Variants in APPL1 observed in about 807,000 individuals in gnomAD.
APPL1 encodes DCC-interacting protein 13-alpha.
In APPL1, 42 loss-of-function variants were observed where a neutral mutation model predicts 106.8. The ratio of observed to expected loss-of-function variants is 0.39; its 90% CI spans 0.31 to 0.51. APPL1 has a LOEUF of 0.51. Ranked by LOEUF, APPL1 falls within the 20% of genes least tolerant of loss-of-function variation. The pLI, the probability that APPL1 is intolerant of heterozygous loss-of-function variation, is 0.75. For missense variants in APPL1, 769 were observed against 858.2 expected, an observed-to-expected ratio of 0.90 and a Z score of 1.30; for synonymous variants, 263 against 281.8, an observed-to-expected ratio of 0.93 and a Z score of 0.67.
At chr3:57,236,591 G>T (rs1315577870) in intron 2 of APPL1, among the ~76,000 whole-genome samples, 2 of 152,230 alleles carry the variant, frequency 1.3e-5, no homozygotes, top group African/African-American at 4.8e-5. Flanking sequence ...GCCTCCCAAA[G>T]TGCTGGGATT....
intron 10 of APPL1, 117 bp downstream of exon 10, chr3:57,248,468 T>C (rs1649104233): frequency 8.6e-7 from 1 of 1,161,758 alleles, no homozygotes; most frequent in African/African-American, 1.6e-5. Flanking sequence ...TGAAACTTTT[T>C]AGAGGTGTTA....
rs951842413 is a variant in APPL1 at position 57,253,780 on chromosome 3, A to C, written c.1152+42A>C. The C allele has an allele frequency of 9.0e-6, 12 of 1,336,916 alleles. No homozygotes were observed. In the Admixed American group the frequency reaches 2.3e-4, roughly 26 times the overall value. The allele number at this position is 1,336,916 out of a possible 1,614,324, so 82.8% of individuals were successfully genotyped here. A position where few individuals can be genotyped will look rare whatever the true frequency, so the allele number is the denominator to read the frequency against. On this transcript the variant is annotated intron_variant, in intron 13 of 21. Coordinates refer to ENST00000288266, the MANE Select transcript of APPL1 (RefSeq NM_012096.3). ...ATGTTACCCAGATCTAGCAAAATTG[A>C]GTAATTTTGTGGCTTACATGTTTTT...
rs2060662485 is a variant in APPL1, at chr3:57,228,059, TCA to T, written c.54+124_54+125del. 3.6e-6 allele frequency: 3 copies of T among 825,346 alleles called. No homozygotes were observed. Among genetic ancestry groups the T allele is most frequent in the Non-Finnish European group, 4.8e-6 (3 of 621,452 alleles). 51.1% of individuals were successfully genotyped at this position (825,346 alleles called of 1,614,324 possible). On this transcript the variant is annotated intron_variant, in intron 1 of 21. Transcript: ENST00000288266. The surrounding 1 kb of genome is among the most constrained non-coding windows in gnomAD (Gnocchi z 4.6). The stretch of plus-strand genomic sequence containing the variant: ...AGGTGGGGGCCGCCGCCGCCCTAGG[TCA>T]CCGCCCGTCGCAGGCCGCGCCCGGA...
intron 5 of APPL1, 104 bp from the exon 6 acceptor site, chr3:57,241,997 A>C: frequency 1.3e-6 from 1 of 796,970 alleles, no homozygotes; most frequent in South Asian, 2.0e-5. Context: ...GAACTATGAA[A>C]TATTATTTTG....
chr3:57,271,209 T>C lies in APPL1; in HGVS notation c.*1522T>C, dbSNP rs1016311678. On this transcript the variant is annotated 3_prime_UTR_variant, in exon 22 of 22. Coordinates refer to ENST00000288266, the MANE Select transcript of APPL1 (RefSeq NM_012096.3). ...GGCATCTGTTTTAGGTCTCAAAATATAACTCAGCTGTTTCACACTGTATAT... is the reference window on the plus strand; with the variant it reads ...GGCATCTGTTTTAGGTCTCAAAATACAACTCAGCTGTTTCACACTGTATAT... 4 of 147,570 alleles carry C rather than the reference T, an allele frequency of 2.7e-5. No individual in the cohort carries two copies. The highest frequency in any genetic ancestry group is 1.9e-4 in the East Asian group (1 of 5,190). The allele number at this position is 147,570 out of a possible 1,614,324, so 9.1% of individuals were successfully genotyped here. A position where few individuals can be genotyped will look rare whatever the true frequency, so the allele number is the denominator to read the frequency against.
At chr3:57,231,078 G>A (rs760455488) in intron 1 of APPL1, among the ~76,000 whole-genome samples, 2 of 151,402 alleles carry the variant, frequency 1.3e-5, no homozygotes, top group Non-Finnish European at 3.0e-5. Context: ...GGTGGCTCAT[G>A]CCTGTAATCT....
At chr3:57,267,705 G>A in intron 19 of APPL1, 37 bp from the exon 20 acceptor site, 1 of 1,597,300 alleles carries the variant, frequency 6.3e-7, no homozygotes, top group Admixed American at 1.7e-5. Context: ...TTTGTTGTGA[G>A]AACTGCCTGA....
In APPL1 at chr3:57,235,723, G is replaced by A. The variant is rs948422720; in HGVS notation, c.153+59G>A. 8.9e-6 allele frequency: 11 copies of A among 1,235,470 alleles called. No homozygotes were observed. The African/African-American group carries it at 1.6e-4, about 18-fold the overall frequency. The allele number at this position is 1,235,470 out of a possible 1,614,324, so 76.5% of individuals were successfully genotyped here. On this transcript the variant is annotated intron_variant, in intron 2 of 21. Coordinates refer to ENST00000288266, the MANE Select transcript of APPL1 (RefSeq NM_012096.3). ...AACACGAATCTTTAAGCCTCATGAG[G>A]ACAGATAGTGTCTGTCTTGTTTACC...
chr3:57,259,505 A>G (rs1223092691), intron 16 of APPL1, among the ~76,000 whole-genome samples: 3 of 152,146 alleles, frequency 2.0e-5, no homozygotes, highest in Admixed American at 6.5e-5. Flanking sequence ...TATGTTGCCT[A>G]GGCTGGTCTC....
At chr3:57,231,248 A>G (rs2060685172) in intron 1 of APPL1, among the ~76,000 whole-genome samples, 1 of 147,092 alleles carries the variant, frequency 6.8e-6, no homozygotes, top group East Asian at 2.1e-4. Context: ...CTGAGGCAGG[A>G]GAATCACTTG....
intron 14 of APPL1, 28 bp downstream of exon 14, chr3:57,257,079 G>A (rs1473568426): frequency 6.2e-7 from 1 of 1,603,990 alleles, no homozygotes; most frequent in South Asian, 1.1e-5. Context: ...GTTATTTAAA[G>A]AAGGAGATGG....
Position 57,253,692 on chromosome 3 carries a change from C to T in APPL1, c.1106C>T (p.Thr369Ile). 6.9e-7 allele frequency: 1 copy of T among 1,445,206 alleles called. No homozygotes were observed. Among genetic ancestry groups the T allele is most frequent in the Non-Finnish European group, 9.2e-7 (1 of 1,091,150 alleles). The allele number at this position is 1,445,206 out of a possible 1,614,324, so 89.5% of individuals were successfully genotyped here. A position where few individuals can be genotyped will look rare whatever the true frequency, so the allele number is the denominator to read the frequency against. ...TTTTTCCTCTTGCAGTGGATCTGTA[C>T]AATAAACAACATATCTAAACAAATA... ...SKKDHEEWIC[T>I]INNISKQIYL... The change falls in exon 13 of 22, where the codon ACA becomes ATA. Residue 369 changes from threonine to isoleucine, a missense_variant. Thr to Ile is a moderately conservative substitution (Grantham distance 89). Transcript: ENST00000288266.
At chr3:57,233,945 A>G (rs1395806273) in intron 1 of APPL1, among the ~76,000 whole-genome samples, 1 of 152,022 alleles carries the variant, frequency 6.6e-6, no homozygotes, top group Admixed American at 6.6e-5. Flanking sequence ...GTAGCCAGAC[A>G]TGGTGGCACA....
chr3:57,241,718 G>A (rs942957866), intron 5 of APPL1, among the ~76,000 whole-genome samples: 1 of 152,102 alleles, frequency 6.6e-6, no homozygotes, highest in Non-Finnish European at 1.5e-5. Context: ...TCAGTGTAAG[G>A]GGACTGAATG....
At chr3:57,259,112 A>G in intron 16 of APPL1, 32 bp downstream of exon 16, 1 of 1,556,834 alleles carries the variant, frequency 6.4e-7, no homozygotes, top group Non-Finnish European at 8.8e-7. Context: ...CATATATTTT[A>G]GAACTGCTTC....
intron 19 of APPL1, among the ~76,000 whole-genome samples, chr3:57,265,905 G>A (rs1416801178): frequency 6.6e-6 from 1 of 152,124 alleles, no homozygotes; most frequent in Admixed American, 6.6e-5. Context: ...TAATCATGAA[G>A]GGATGTTGAA....
At chr3:57,268,219 A>C (rs2060908038) in intron 20 of APPL1, 179 bp from the exon 21 acceptor site, 1 of 611,918 alleles carries the variant, frequency 1.6e-6, no homozygotes, top group Admixed American at 3.1e-5. Flanking sequence ...TGATACTATT[A>C]CCAACATAGC....
chr3:57,259,557 A>C (rs986994029), intron 16 of APPL1, among the ~76,000 whole-genome samples: 1 of 152,096 alleles, frequency 6.6e-6, no homozygotes, highest in Admixed American at 6.6e-5. Flanking sequence ...TAGCCTCCCA[A>C]AGTGCTAGGA....
At chr3:57,229,787 C>A (rs946701198) in intron 1 of APPL1, among the ~76,000 whole-genome samples, 1 of 142,148 alleles carries the variant, frequency 7.0e-6, no homozygotes, top group Non-Finnish European at 1.5e-5. Flanking sequence ...AATCTTGGCT[C>A]ACTGCAACCT....
Sources: gnomAD v4.1 joint callset for allele counts (sites outside exome capture counted in the v4.1 genomes callset) on GRCh38, gnomAD v4.1.1 for gene constraint, Gnocchi (gnomAD v3.1) non-coding constraint, MANE v1.5 for transcripts, NCBI Gene and HGNC (gene_info 2026-07-23, HGNC 2026-07-21) for gene names.